Variants in PHACTR3 observed in about 807,000 individuals in gnomAD.
The protein encoded by PHACTR3 is phosphatase and actin regulator 3.
A neutral mutation model predicts 66.8 loss-of-function variants in PHACTR3; 16 were observed. That is an observed-to-expected ratio of 0.24 (90% CI 0.16 to 0.36). The LOEUF (loss-of-function observed/expected upper bound fraction) is 0.36. Among genes scored for constraint, PHACTR3 ranks in the 10% least tolerant of loss-of-function variants. The pLI is 1.00. For missense variants in PHACTR3, 647 were observed against 719.9 expected (o/e 0.90, Z 1.16); for synonymous variants, 323 against 292.1 (o/e 1.11, Z -1.08).
chr20:59,584,914 C>A (rs999607449), intron 1 of PHACTR3, among the ~76,000 whole-genome samples: 5 of 152,186 alleles, frequency 3.3e-5, no homozygotes, highest in Admixed American at 1.3e-4. Flanking sequence ...GCCCAGCCCC[C>A]ACCCCCTCAG....
At chr20:59,746,983 A>C (rs1451202535) in intron 2 of PHACTR3, among the ~76,000 whole-genome samples, 2 of 152,198 alleles carry the variant, frequency 1.3e-5, no homozygotes, top group African/African-American at 2.4e-5. Flanking sequence ...GTAGTCTTGT[A>C]TTTGGAAATT....
intron 1 of PHACTR3, among the ~76,000 whole-genome samples, chr20:59,612,259 C>T (rs920948463): frequency 1.1e-4 from 16 of 152,150 alleles, no homozygotes; most frequent in African/African-American, 1.9e-4. Context: ...TCTGCAGGGC[C>T]GGGACTTCCG....
intron 1 of PHACTR3, among the ~76,000 whole-genome samples, chr20:59,683,689 G>C (rs1185936583): frequency 1.3e-5 from 2 of 152,150 alleles, no homozygotes; most frequent in Non-Finnish European, 2.9e-5. Context: ...CAAACACAGA[G>C]ATCAACAAGT....
intron 1 of PHACTR3, among the ~76,000 whole-genome samples, chr20:59,622,891 G>A (rs2034294668): frequency 1.4e-5 from 2 of 147,150 alleles, no homozygotes; most frequent in African/African-American, 5.1e-5. Flanking sequence ...TCCTGTTGGA[G>A]CAAAACCCCT....
At chr20:59,714,238 C>G (rs973629624) in intron 1 of PHACTR3, among the ~76,000 whole-genome samples, 1 of 152,118 alleles carries the variant, frequency 6.6e-6, no homozygotes, top group Admixed American at 6.5e-5. Context: ...ATTTAGCAAT[C>G]TTTTTTCCTT....
intron 1 of PHACTR3, among the ~76,000 whole-genome samples, chr20:59,590,100 C>T (rs2033144416): frequency 6.6e-6 from 1 of 152,170 alleles, no homozygotes. Flanking sequence ...TGTGTGCACT[C>T]ACGTGTGCAT....
intron 4 of PHACTR3, among the ~76,000 whole-genome samples, chr20:59,762,760 G>A (rs190577598): frequency 2.6e-5 from 4 of 152,364 alleles, no homozygotes; most frequent in African/African-American, 9.6e-5. Flanking sequence ...TTCCACTGGG[G>A]TGGGAAGCAT....
chr20:59,658,635 C>G (rs956128987), intron 1 of PHACTR3, among the ~76,000 whole-genome samples: 1 of 152,122 alleles, frequency 6.6e-6, no homozygotes, highest in African/African-American at 2.4e-5. Flanking sequence ...TCTCTTCTGC[C>G]TCCTTCCTTA....
chr20:59,847,163 T>G lies in PHACTR3; in HGVS notation c.*33T>G, dbSNP rs1485015986. On this transcript the variant is annotated 3_prime_UTR_variant, in exon 13 of 13. Coordinates refer to ENST00000371015, the MANE Select transcript of PHACTR3 (RefSeq NM_080672.5). ...CTTCTGAGAAGAATTTGTGTTTAAT[T>G]TTTTGATACCAACACTGAACATTCA... The G allele has an allele frequency of 1.4e-6, 2 of 1,480,562 alleles. No individual in the cohort carries two copies. The highest frequency in any genetic ancestry group is 3.4e-5 in the Admixed American group (2 of 59,274). The allele number at this position is 1,480,562 out of a possible 1,614,324, so 91.7% of individuals were successfully genotyped here.
intron 7 of PHACTR3, among the ~76,000 whole-genome samples, chr20:59,784,931 A>G (rs2040852142): frequency 6.6e-6 from 1 of 150,912 alleles, no homozygotes. Context: ...GATCTCCTGC[A>G]GCTGAACTGA....
At chr20:59,814,711 G>A (rs939418440) in intron 8 of PHACTR3, among the ~76,000 whole-genome samples, 2 of 152,024 alleles carry the variant, frequency 1.3e-5, no homozygotes, top group Admixed American at 6.5e-5. Flanking sequence ...TTCACTGACC[G>A]CCAGGAACCA....
At position 59,778,621 on chromosome 20, in the gene PHACTR3, C is replaced by A. The variant is rs189154436; in HGVS notation, c.1174+4131C>A. On this transcript the variant is annotated intron_variant, in intron 7 of 12. Coordinates refer to ENST00000371015, the MANE Select transcript of PHACTR3 (RefSeq NM_080672.5). ...CCTCTCTACCAGCACATGGGCTCCG[C>A]GAGACCAAGTCTTCGCCTCTGTAGT... Among the ~76,000 whole-genome samples the A allele has an allele frequency of 5.5e-3, 844 of 152,328 alleles. 6 individuals are homozygous for A. Among genetic ancestry groups the A allele is most frequent in the African/African-American group, 0.019 (798 of 41,572 alleles).
chr20:59,827,318 C>T (rs1360463529), intron 8 of PHACTR3, among the ~76,000 whole-genome samples: 1 of 152,156 alleles, frequency 6.6e-6, no homozygotes, highest in East Asian at 1.9e-4. Flanking sequence ...CCCCTCCCCA[C>T]CACCACTGGG....
chr20:59,779,476 C>A (rs1483925936), intron 7 of PHACTR3, among the ~76,000 whole-genome samples: 1 of 152,142 alleles, frequency 6.6e-6, no homozygotes, highest in Non-Finnish European at 1.5e-5. Context: ...GAGTTCAAAC[C>A]CCATTCCCAC....
intron 8 of PHACTR3, among the ~76,000 whole-genome samples, chr20:59,825,430 A>G (rs2042161263): frequency 6.6e-6 from 1 of 151,960 alleles, no homozygotes; most frequent in Admixed American, 6.5e-5. Flanking sequence ...TCACTCGTTC[A>G]TTCACTCATT....
chr20:59,774,479 C>A lies in PHACTR3; in HGVS notation c.1163C>A (p.Ser388Tyr). The change falls in exon 7 of 13, where the codon TCC becomes TAC. Residue 388 changes from serine (S) to tyrosine (Y), a missense_variant. This residue lies in a region of PHACTR3 where 577 missense variants were observed against 571.1 expected (regional missense o/e 1.01). Coordinates refer to ENST00000371015, the MANE Select transcript of PHACTR3 (RefSeq NM_080672.5). ...CAGGACGAGGAGGCGCTGAACGACTCCATTATTTCTGGTGAGGAAAGGATG... is the reference window on the plus strand; with the variant it reads ...CAGGACGAGGAGGCGCTGAACGACTACATTATTTCTGGTGAGGAAAGGATG... ...LYQDEEALND[S>Y]IISGTLPRKC... is the part of the protein sequence containing the mutation. 1 of 1,613,548 alleles carries A rather than the reference C, an allele frequency of 6.2e-7. No homozygotes were observed. The highest frequency in any genetic ancestry group is 1.3e-5 in the African/African-American group (1 of 74,962).
intron 5 of PHACTR3, among the ~76,000 whole-genome samples, chr20:59,768,868 G>A (rs1339099970): frequency 6.6e-6 from 1 of 152,270 alleles, no homozygotes; most frequent in Non-Finnish European, 1.5e-5. Context: ...CGGAGGAGGT[G>A]AGATGCACCC....
rs1478756401 is a variant in PHACTR3 at position 59,729,216 on chromosome 20, G to A, written c.119-13891G>A. ...GGGAGGGCATTGCGGGAACCTGGGA[G>A]CGATGAGGGAGACCTGGGCCGGGGG... On this transcript the variant is annotated intron_variant, in intron 1 of 12. Transcript: ENST00000371015. Among the ~76,000 whole-genome samples the A allele has an allele frequency of 2.6e-5, 4 of 152,154 alleles. 1 individual carries two copies.
chr20:59,822,669 T>C (rs1394262139), intron 8 of PHACTR3, among the ~76,000 whole-genome samples: 1 of 152,148 alleles, frequency 6.6e-6, no homozygotes, highest in East Asian at 1.9e-4. Context: ...AAGGACACTT[T>C]CAGATGGATT....
Sources: allele counts gnomAD v4.1 joint callset (sites outside exome capture counted in the v4.1 genomes callset), GRCh38; gene constraint gnomAD v4.1.1; regional missense constraint gnomAD v4.1.1; transcripts MANE v1.5; gene names NCBI Gene and HGNC (gene_info 2026-07-23, HGNC 2026-07-21).